Variants in NXPE2 observed in about 807,000 individuals in gnomAD.
NXPE2 encodes NXPE family member 2.
In NXPE2, 34 loss-of-function variants were observed where a neutral mutation model predicts 34.4. The ratio of observed to expected loss-of-function variants is 0.99; its 90% CI spans 0.75 to 1.31. The LOEUF (loss-of-function observed/expected upper bound fraction) is 1.31, where lower values mean the gene tolerates loss of function less well. Ranked by LOEUF, NXPE2 falls within the 40% of genes most tolerant of loss-of-function variation. NXPE2 has a pLI of 0.00. For missense variants in NXPE2, 649 were observed against 672.5 expected (o/e 0.97, Z 0.39); for synonymous variants, 235 against 231.3 (o/e 1.02, Z -0.15).
chr11:114,504,359 C>G, the NXPE2 span, among the ~76,000 whole-genome samples: 1 of 152,164 alleles, frequency 6.6e-6, no homozygotes, highest in Admixed American at 6.5e-5. Flanking sequence ...GGCATCCAGA[C>G]CTGTGCCACC....
At chr11:114,680,854 C>A (rs1466930347) in intron 2 of NXPE2, among the ~76,000 whole-genome samples, 1 of 152,178 alleles carries the variant, frequency 6.6e-6, no homozygotes, top group Non-Finnish European at 1.5e-5. Context: ...ATGTGCTATT[C>A]ATTGGATATC....
At chr11:114,572,196 G>T in the NXPE2 span, among the ~76,000 whole-genome samples, 1 of 152,146 alleles carries the variant, frequency 6.6e-6, no homozygotes, top group Non-Finnish European at 1.5e-5. Context: ...GGAGCACCCT[G>T]TGGGACAAAA....
chr11:114,663,760 C>A, the NXPE2 span, among the ~76,000 whole-genome samples: 1 of 151,532 alleles, frequency 6.6e-6, no homozygotes, highest in Non-Finnish European at 1.5e-5. Flanking sequence ...TAATAAGCAA[C>A]CCAAGTAAAA....
chr11:114,805,275 G>C, the NXPE2 span, among the ~76,000 whole-genome samples: 1 of 151,938 alleles, frequency 6.6e-6, no homozygotes, highest in African/African-American at 2.4e-5. Context: ...GCAGAAGATG[G>C]GTGATTTCTG....
chr11:114,795,968 C>G, the NXPE2 span, among the ~76,000 whole-genome samples: 1 of 152,190 alleles, frequency 6.6e-6, no homozygotes, highest in South Asian at 2.1e-4. Context: ...CAAAACAGCT[C>G]TCTCACACTC....
chr11:114,602,906 G>A, the NXPE2 span, among the ~76,000 whole-genome samples: 1 of 146,718 alleles, frequency 6.8e-6, no homozygotes, highest in Non-Finnish European at 1.5e-5. Context: ...TATAATTACA[G>A]AATCATATAT....
the NXPE2 span, among the ~76,000 whole-genome samples, chr11:114,604,494 G>T: frequency 1.2e-4 from 18 of 151,898 alleles, no homozygotes; most frequent in African/African-American, 3.9e-4. Context: ...TGGATAATAA[G>T]TGTTGCCTCT....
upstream of NXPE2, among the ~76,000 whole-genome samples, chr11:114,676,151 A>G (rs1311455491): frequency 6.6e-6 from 1 of 152,004 alleles, no homozygotes; most frequent in Non-Finnish European, 1.5e-5. Flanking sequence ...TAAAACTGCT[A>G]GAAGAAAACA....
chr11:114,492,215 A>G, the NXPE2 span, among the ~76,000 whole-genome samples: 1,555 of 152,176 alleles, frequency 0.01, 34 homozygotes, highest in African/African-American at 0.036. Flanking sequence ...GATATTTTGT[A>G]TTTTTTGTTT....
chr11:114,637,348 C>G, the NXPE2 span, among the ~76,000 whole-genome samples: 1 of 151,794 alleles, frequency 6.6e-6, no homozygotes, highest in African/African-American at 2.4e-5. Context: ...ATTTTGAGCC[C>G]ATGTGTGTCT....
At chr11:114,782,809 G>A in the NXPE2 span, among the ~76,000 whole-genome samples, 3 of 152,284 alleles carry the variant, frequency 2.0e-5, no homozygotes, top group East Asian at 5.8e-4. Flanking sequence ...TGGGTCTTTA[G>A]CACTGATGAA....
At chr11:114,680,135 T>C (rs1317183660) in intron 2 of NXPE2, among the ~76,000 whole-genome samples, 2 of 152,142 alleles carry the variant, frequency 1.3e-5, no homozygotes, top group Non-Finnish European at 2.9e-5. Flanking sequence ...TTCTTATTCT[T>C]TAAGTAGTTT....
chr11:114,554,851 C>A, the NXPE2 span, among the ~76,000 whole-genome samples: 5 of 152,166 alleles, frequency 3.3e-5, no homozygotes, highest in Non-Finnish European at 5.9e-5. Flanking sequence ...GGTTCACAGG[C>A]CTCCTAAACT....
At chr11:114,530,152 G>A in the NXPE2 span, 1 of 1,568,602 alleles carries the variant, frequency 6.4e-7, no homozygotes, top group East Asian at 2.2e-5. Flanking sequence ...ACACTTCTCA[G>A]TATACATGAA....
chr11:114,620,674 T>C, the NXPE2 span, among the ~76,000 whole-genome samples: 1 of 149,844 alleles, frequency 6.7e-6, no homozygotes, highest in Non-Finnish European at 1.5e-5. Flanking sequence ...ATAAATATTG[T>C]CTCCCAGGTA....
chr11:114,807,400 T>C, the NXPE2 span, among the ~76,000 whole-genome samples: 1 of 152,122 alleles, frequency 6.6e-6, no homozygotes, highest in African/African-American at 2.4e-5. Flanking sequence ...GACTGGCAAA[T>C]TGGATAAAGA....
chr11:114,811,503 A>G, the NXPE2 span, among the ~76,000 whole-genome samples: 1 of 152,164 alleles, frequency 6.6e-6, no homozygotes, highest in Non-Finnish European at 1.5e-5. Context: ...AGGCTAGGGG[A>G]AAAGAATGGT....
the NXPE2 span, among the ~76,000 whole-genome samples, chr11:114,593,056 C>A: frequency 3.0e-4 from 46 of 152,222 alleles, no homozygotes; most frequent in African/African-American, 1.0e-3. Flanking sequence ...ATATGCATGA[C>A]CCAAAGTATG....
At chr11:114,707,078 T>C (rs954260975), downstream of NXPE2, 4 of 641,972 alleles carry the variant, frequency 6.2e-6, no homozygotes, top group African/African-American at 3.7e-5. Context: ...CATTTACCAT[T>C]TAAGCCATTT....
Sources: allele counts gnomAD v4.1 joint callset (sites outside exome capture counted in the v4.1 genomes callset), GRCh38; gene constraint gnomAD v4.1.1; transcripts MANE v1.5; gene names NCBI Gene and HGNC (gene_info 2026-07-23, HGNC 2026-07-21).